Variants in TLL2 observed in about 807,000 individuals in gnomAD.
TLL2 encodes tolloid-like protein 2.
A neutral mutation model predicts 123.0 loss-of-function variants in TLL2; 106 were observed. That is an observed-to-expected ratio of 0.86 (90% CI 0.74 to 1.01). The LOEUF (loss-of-function observed/expected upper bound fraction) is 1.01, where lower values mean the gene tolerates loss of function less well. TLL2 is among the 50% of genes least tolerant of loss of function. The pLI is 0.00. For synonymous variants in TLL2, 494 were observed against 516.8 expected, an observed-to-expected ratio of 0.96 and a Z score of 0.60; for missense variants, 1,332 against 1,336.7, an observed-to-expected ratio of 1.00 and a Z score of 0.06.
At position 96,508,107 on chromosome 10, in the gene TLL2, A is replaced by G. The variant is rs540885276; in HGVS notation, c.175+5404T>C. ...GGGGATGGGTCATGCCAGGGAGACA[A>G]GCTTCCAGGAGGCACCATGTGAGCC... On this transcript the variant is annotated intron_variant, in intron 1 of 20. Transcript: ENST00000357947. Among the ~76,000 whole-genome samples, 15 of 152,282 alleles carry G rather than the reference A, an allele frequency of 9.9e-5. No homozygotes were observed. In the East Asian group the frequency reaches 2.5e-3, roughly 25 times the overall value.
chr10:96,489,998 A>G (rs1847395588), intron 1 of TLL2, among the ~76,000 whole-genome samples: 1 of 152,136 alleles, frequency 6.6e-6, no homozygotes, highest in African/African-American at 2.4e-5. Flanking sequence ...TGGGAGGCTG[A>G]GGCAGGAGAA....
At chr10:96,414,688 C>T (rs1247920808) in intron 7 of TLL2, among the ~76,000 whole-genome samples, 10 of 152,146 alleles carry the variant, frequency 6.6e-5, no homozygotes, top group Non-Finnish European at 1.2e-4. Context: ...GTAACACCTC[C>T]CCTGGGCTGT....
chr10:96,486,933 G>A (rs549822450), intron 1 of TLL2, among the ~76,000 whole-genome samples: 2 of 152,238 alleles, frequency 1.3e-5, no homozygotes, highest in African/African-American at 2.4e-5. Context: ...GTGCTCAGGC[G>A]TCCTCCTGAC....
rs1241382962 is a variant in TLL2 at position 96,410,375 on chromosome 10, A to G, written c.1148T>C (p.Val383Ala). 1.9e-6 allele frequency: 3 copies of G among 1,613,170 alleles called. No individual in the cohort carries two copies. Among genetic ancestry groups the G allele is most frequent in the Non-Finnish European group, 2.5e-6 (3 of 1,179,946 alleles). ...SYSHCVWRIS[V>A]TPGEKIVLNF... Reference sequence around the variant, plus strand: ...CCCACCTACCTTTTCCCCTGGGGTGACCGAGATCCTCCAGACGCAGTGGGA... The same window carrying G: ...CCCACCTACCTTTTCCCCTGGGGTGGCCGAGATCCTCCAGACGCAGTGGGA... The change falls in exon 9 of 21, where the codon GTC (valine) becomes GCC (alanine). Residue 383 changes from valine (V) to alanine (A), a missense_variant. Transcript: ENST00000357947.
chr10:96,414,456 C>T (rs957841998), intron 7 of TLL2, among the ~76,000 whole-genome samples: 1 of 152,040 alleles, frequency 6.6e-6, no homozygotes, highest in African/African-American at 2.4e-5. Flanking sequence ...CTCCTCCCTC[C>T]TCACTGTCTT....
At chr10:96,476,240 A>ATATATATATATATATATATATTTTTTTT in intron 2 of TLL2, among the ~76,000 whole-genome samples, 1 of 20,498 alleles carries the variant, frequency 4.9e-5, no homozygotes, top group Admixed American at 5.2e-4. Context: ...ATATATATAT[A>ATATATATATATATATATATATTTTTTTT]TTTTATTTTT....
chr10:96,498,907 T>C (rs1847505513), intron 1 of TLL2, among the ~76,000 whole-genome samples: 1 of 152,194 alleles, frequency 6.6e-6, no homozygotes, highest in African/African-American at 2.4e-5. Flanking sequence ...CAGCCCAGAA[T>C]GGAGACCTCC....
chr10:96,483,845 T>A (rs560618083), intron 1 of TLL2, among the ~76,000 whole-genome samples: 7 of 152,284 alleles, frequency 4.6e-5, no homozygotes, highest in African/African-American at 1.7e-4. Flanking sequence ...TGATTTATTT[T>A]ATTTATTTAT....
intron 4 of TLL2, among the ~76,000 whole-genome samples, chr10:96,430,318 T>C (rs771612034): frequency 1.6e-4 from 24 of 152,352 alleles, no homozygotes; most frequent in Non-Finnish European, 2.6e-4. Flanking sequence ...CCATGTGATG[T>C]TCTGGCTTCC....
At chr10:96,476,961 G>T (rs564684568) in intron 2 of TLL2, among the ~76,000 whole-genome samples, 2 of 150,358 alleles carry the variant, frequency 1.3e-5, no homozygotes, top group Admixed American at 1.3e-4. Context: ...AACTGGTAAT[G>T]CCAGGGATCT....
At chr10:96,408,785 T>C (rs1846474783) in intron 9 of TLL2, among the ~76,000 whole-genome samples, 1 of 152,222 alleles carries the variant, frequency 6.6e-6, no homozygotes, top group African/African-American at 2.4e-5. Flanking sequence ...CCCCTTTGTG[T>C]AATAATATAA....
rs1285354320 is a variant in TLL2, at chr10:96,476,248, T to TTTTGTTGTTGTTG, written c.286+4100_286+4101insCAACAACAACAAA. 6.5e-4 allele frequency among the ~76,000 whole-genome samples: 45 copies of TTTTGTTGTTGTTG among 69,240 alleles called. 2 individuals are homozygous for TTTTGTTGTTGTTG. Among genetic ancestry groups the TTTTGTTGTTGTTG allele is most frequent in the African/African-American group, 2.8e-3 (45 of 16,070 alleles). The allele number at this position is 69,240 out of a possible 152,430, so 45.4% of individuals were successfully genotyped here. ...TATATATATATATATATATTTTATT[T>TTTTGTTGTTGTTG]TTGTTGTTGTTGTTGTTGTTGAGAC... is the stretch of plus-strand genomic sequence containing the variant. On this transcript the variant is annotated intron_variant, in intron 2 of 20. Transcript: ENST00000357947.
chr10:96,376,559 TA>T (rs1846139420), intron 18 of TLL2, 132 bp downstream of exon 18: 1 of 961,904 alleles, frequency 1.0e-6, no homozygotes, highest in East Asian at 2.9e-5. Context: ...GTTTTCCAGA[TA>T]ATGAAACTGA....
intron 1 of TLL2, among the ~76,000 whole-genome samples, chr10:96,501,728 G>A (rs1847534740): frequency 6.6e-6 from 1 of 152,098 alleles, no homozygotes; most frequent in African/African-American, 2.4e-5. Context: ...CAAATCCAAG[G>A]CATCCTTCCA....
At chr10:96,493,027 T>C (rs1164415483) in intron 1 of TLL2, among the ~76,000 whole-genome samples, 1 of 152,180 alleles carries the variant, frequency 6.6e-6, no homozygotes, top group East Asian at 1.9e-4. Context: ...CTTCCAAATC[T>C]GGTGTTTTAG....
In TLL2 at chr10:96,432,791, G is replaced by C. The variant is rs752767623; in HGVS notation, c.520+16C>G. ...AGCACCCTGACCCAAAGCAGACCTT[G>C]TCTGTGGCTACTGACCAGTGAAGTT... On this transcript the variant is annotated intron_variant, in intron 4 of 20. Transcript: ENST00000357947. 4.3e-6 allele frequency: 7 copies of C among 1,611,490 alleles called. No homozygotes were observed. Among genetic ancestry groups the C allele is most frequent in the Non-Finnish European group, 5.9e-6 (7 of 1,178,016 alleles).
intron 2 of TLL2, among the ~76,000 whole-genome samples, chr10:96,451,619 C>A (rs1308032272): frequency 6.6e-6 from 1 of 152,132 alleles, no homozygotes; most frequent in African/African-American, 2.4e-5. Flanking sequence ...GAATACCTAC[C>A]ATTTTTTAAC....
intron 2 of TLL2, among the ~76,000 whole-genome samples, chr10:96,458,291 C>T (rs554107292): frequency 3.9e-5 from 6 of 152,096 alleles, no homozygotes; most frequent in Non-Finnish European, 7.4e-5. Flanking sequence ...CCATTCTTCA[C>T]ATTAAAATTT....
intron 1 of TLL2, among the ~76,000 whole-genome samples, chr10:96,492,724 A>C (rs1847426829): frequency 1.3e-5 from 2 of 152,238 alleles, no homozygotes; most frequent in East Asian, 1.9e-4. Flanking sequence ...TCTTTACCGC[A>C]GGACTTCCCA....
Sources: allele counts gnomAD v4.1 joint callset (sites outside exome capture counted in the v4.1 genomes callset), GRCh38; gene constraint gnomAD v4.1.1; transcripts MANE v1.5; gene names NCBI Gene and HGNC (gene_info 2026-07-23, HGNC 2026-07-21).